Variants in NTRK2 observed in about 807,000 individuals in gnomAD.
The protein encoded by NTRK2 is neurotrophic receptor tyrosine kinase 2.
A neutral mutation model predicts 94.5 loss-of-function variants in NTRK2; 13 were observed. The ratio of observed to expected loss-of-function variants is 0.14; its 90% CI spans 0.09 to 0.22. The LOEUF is 0.22. NTRK2 is among the 10% of genes least tolerant of loss of function. The pLI is 1.00. For synonymous variants in NTRK2, 372 were observed against 407.4 expected, an observed-to-expected ratio of 0.91 and a Z score of 1.05; for missense variants, 639 against 1,071.2, an observed-to-expected ratio of 0.60 and a Z score of 5.63.
chr9:84,946,441 C>T (rs1401164053), intron 15 of NTRK2, among the ~76,000 whole-genome samples: 6 of 152,204 alleles, frequency 3.9e-5, no homozygotes, highest in Non-Finnish European at 8.8e-5. Context: ...TCAAGAAGCT[C>T]ACAGCCTGTA....
intron 12 of NTRK2, among the ~76,000 whole-genome samples, chr9:84,820,379 A>G (rs576733653): frequency 3.9e-4 from 60 of 152,126 alleles, no homozygotes; most frequent in African/African-American, 1.4e-3. Context: ...CATGTTGGCC[A>G]GGCTGATCTT....
chr9:84,909,338 G>A (rs947823679), intron 14 of NTRK2, among the ~76,000 whole-genome samples: 1 of 152,030 alleles, frequency 6.6e-6, no homozygotes, highest in Non-Finnish European at 1.5e-5. Context: ...AGGACATCTG[G>A]GTTGTTTTTT....
chr9:84,727,776 G>A lies in NTRK2; in HGVS notation c.976G>A (p.Glu326Lys), dbSNP rs2132079566. ...QWFYNGAILNESKYICTKIHV... is the reference protein window; with the variant it reads ...QWFYNGAILNKSKYICTKIHV... ...GTTCTATAACGGGGCAATATTGAAT[G>A]AGTCCAAATACATCTGTACTAAAAT... The change falls in exon 9 of 19, where the codon GAG (glutamate) becomes AAG (lysine). Residue 326 changes from glutamate (E) to lysine (K), a missense_variant. Transcript: ENST00000277120. The A allele has an allele frequency of 6.2e-7, 1 of 1,614,208 alleles. No homozygotes were observed. Among genetic ancestry groups the A allele is most frequent in the Non-Finnish European group, 8.5e-7 (1 of 1,180,038 alleles).
chr9:85,001,262 G>A (rs1830310875), intron 17 of NTRK2, among the ~76,000 whole-genome samples: 1 of 152,146 alleles, frequency 6.6e-6, no homozygotes, highest in Non-Finnish European at 1.5e-5. Flanking sequence ...TCTCTTTTCT[G>A]TTGTCACTAT....
At chr9:84,849,746 A>G (rs1012287590) in intron 12 of NTRK2, among the ~76,000 whole-genome samples, 1 of 152,182 alleles carries the variant, frequency 6.6e-6, no homozygotes, top group African/African-American at 2.4e-5. Context: ...GGAAATACAG[A>G]GAATGGGAGA....
At chr9:84,909,634 A>G (rs1175100194) in intron 14 of NTRK2, among the ~76,000 whole-genome samples, 3 of 152,034 alleles carry the variant, frequency 2.0e-5, no homozygotes, top group Admixed American at 1.3e-4. Flanking sequence ...TCTGATAGGT[A>G]TGTAAGATGT....
chr9:84,785,911 A>G (rs554325819), intron 12 of NTRK2, among the ~76,000 whole-genome samples: 2 of 152,302 alleles, frequency 1.3e-5, no homozygotes, highest in East Asian at 1.9e-4. Flanking sequence ...TTCCCAGCCA[A>G]GCTGGTGACT....
chr9:84,749,197 C>T (rs142839626), intron 11 of NTRK2, among the ~76,000 whole-genome samples: 2,769 of 151,958 alleles, frequency 0.018, 78 homozygotes, highest in African/African-American at 0.063. Context: ...CATTGCACTC[C>T]AGCCTAGGCA....
chr9:84,872,555 G>A (rs1366581214), intron 14 of NTRK2: 2 of 1,064,192 alleles, frequency 1.9e-6, no homozygotes, highest in African/African-American at 3.3e-5. Flanking sequence ...CTCTTCATGT[G>A]CCTAGGGCTA....
chr9:84,977,139 A>C (rs887263432), intron 17 of NTRK2, among the ~76,000 whole-genome samples: 1 of 152,264 alleles, frequency 6.6e-6, no homozygotes, highest in African/African-American at 2.4e-5. Context: ...TAGCTGATCA[A>C]TACATAACCT....
chr9:84,911,322 A>G (rs758053612), intron 14 of NTRK2, among the ~76,000 whole-genome samples: 6 of 152,068 alleles, frequency 3.9e-5, no homozygotes, highest in Admixed American at 6.5e-5. Flanking sequence ...TACTCTCTCC[A>G]CTTCTGCTTC....
Position 84,946,925 on chromosome 9 carries a change from C to G in NTRK2, c.1765-1537C>G, listed in dbSNP as rs1056738433. Among the ~76,000 whole-genome samples the G allele has an allele frequency of 3.9e-5, 6 of 152,108 alleles. No individual in the cohort carries two copies. In the South Asian group the frequency reaches 1.2e-3, roughly 32 times the overall value. ...AGAAATGTGACATCTTTTCTCCTCT[C>G]TGATCTTCTGTCCTTATGGCTCTCT... On this transcript the variant is annotated intron_variant, in intron 15 of 18. Transcript: ENST00000277120.
intron 14 of NTRK2, among the ~76,000 whole-genome samples, chr9:84,881,278 G>A (rs577089018): frequency 6.6e-6 from 1 of 152,294 alleles, no homozygotes; most frequent in South Asian, 2.1e-4. Flanking sequence ...TAAAACTCCA[G>A]GATGGGGAGG....
In NTRK2 at chr9:84,692,225, G is replaced by GA. The variant is rs1243477942; in HGVS notation, c.213-9926dup. Among the ~76,000 whole-genome samples the GA allele has an allele frequency of 2.0e-5, 3 of 151,770 alleles. No homozygotes were observed. The East Asian group carries it at 5.8e-4, about 29-fold the overall frequency. On this transcript the variant is annotated intron_variant, in intron 2 of 18. Coordinates refer to ENST00000277120, the MANE Select transcript of NTRK2 (RefSeq NM_006180.6). ...ATTATATTAATTAAATACGTTGGAA[G>GA]AAAAAAAATTGTCAGAAAAAAACCC...
Position 84,966,350 on chromosome 9 carries a change from G to A in NTRK2, c.2172+10833G>A, listed in dbSNP as rs183581701. 1.7e-3 allele frequency among the ~76,000 whole-genome samples: 266 copies of A among 152,262 alleles called. 1 individual carries two copies. Among genetic ancestry groups the A allele is most frequent in the South Asian group, 1.9e-3 (9 of 4,818 alleles). On this transcript the variant is annotated intron_variant, in intron 17 of 18. Coordinates refer to ENST00000277120, the MANE Select transcript of NTRK2 (RefSeq NM_006180.6). ...TATACTGATTCAGCATCTTGAAAGCGATGAGATTTGGGAATTTATATTCTT... is the reference window on the plus strand; with the variant it reads ...TATACTGATTCAGCATCTTGAAAGCAATGAGATTTGGGAATTTATATTCTT...
At chr9:84,774,013 G>A (rs2066799258) in intron 12 of NTRK2, among the ~76,000 whole-genome samples, 1 of 152,226 alleles carries the variant, frequency 6.6e-6, no homozygotes, top group Non-Finnish European at 1.5e-5. Flanking sequence ...GGACAGTCAT[G>A]TCCTAACTAC....
At chr9:84,783,538 A>T (rs2067818116) in intron 12 of NTRK2, among the ~76,000 whole-genome samples, 1 of 152,124 alleles carries the variant, frequency 6.6e-6, no homozygotes, top group Non-Finnish European at 1.5e-5. Flanking sequence ...GACACTTTGG[A>T]GGGAAAATGT....
chr9:84,983,696 G>A (rs1033149141), intron 17 of NTRK2, among the ~76,000 whole-genome samples: 1 of 152,066 alleles, frequency 6.6e-6, no homozygotes, highest in African/African-American at 2.4e-5. Context: ...TCCACTGTCA[G>A]GTACAAAAAA....
intron 12 of NTRK2, among the ~76,000 whole-genome samples, chr9:84,817,128 G>T (rs542482722): frequency 6.6e-6 from 1 of 152,316 alleles, no homozygotes; most frequent in East Asian, 1.9e-4. Context: ...TTGGCACATT[G>T]CCTGGCAAGT....
Sources: allele counts gnomAD v4.1 joint callset (sites outside exome capture counted in the v4.1 genomes callset), GRCh38; gene constraint gnomAD v4.1.1; transcripts MANE v1.5; gene names NCBI Gene and HGNC (gene_info 2026-07-23, HGNC 2026-07-21).